MAB21L3: variants seen among roughly 807,000 people sequenced by gnomAD.
MAB21L3 encodes mab-21 like 3.
A neutral mutation model predicts 37.7 loss-of-function variants in MAB21L3; 36 were observed. The observed-to-expected ratio is 0.96, with a 90% CI of 0.73 to 1.26. MAB21L3 has a LOEUF of 1.26. MAB21L3 is among the 50% of genes most tolerant of loss of function. The pLI, the probability that MAB21L3 is intolerant of heterozygous loss-of-function variation, is 0.00. For synonymous variants in MAB21L3, 186 were observed against 176.8 expected (o/e 1.05, Z -0.41); for missense variants, 430 against 447.3 (o/e 0.96, Z 0.35).
rs1286908482 is a variant in MAB21L3 at position 116,136,257 on chromosome 1, G to A, written c.*2892G>A. ...TTGTCTCAGCCCAAAATCTCCTTAAGCTGATAAGCAACTTCAGCAAAGTCT... is the reference window on the plus strand; with the variant it reads ...TTGTCTCAGCCCAAAATCTCCTTAAACTGATAAGCAACTTCAGCAAAGTCT... On this transcript the variant is annotated 3_prime_UTR_variant, in exon 8 of 8. Coordinates refer to ENST00000369500, the MANE Select transcript of MAB21L3 (RefSeq NM_152367.3). Among the ~76,000 whole-genome samples, 2 of 152,074 alleles carry A rather than the reference G, an allele frequency of 1.3e-5. No individual in the cohort carries two copies. Among genetic ancestry groups the A allele is most frequent in the African/African-American group, 4.8e-5 (2 of 41,456 alleles).
rs1272803955 is a variant in MAB21L3, at chr1:116,136,302, A to G, written c.*2937A>G. Among the ~76,000 whole-genome samples the G allele has an allele frequency of 1.3e-5, 2 of 152,140 alleles. No individual in the cohort carries two copies. The highest frequency in any genetic ancestry group is 2.4e-5 in the African/African-American group (1 of 41,412). ...AAGTCTCAGGATACAAAATCAAAGTACAAAAATCACAAGCATTCTTATACA... is the reference window on the plus strand; with the variant it reads ...AAGTCTCAGGATACAAAATCAAAGTGCAAAAATCACAAGCATTCTTATACA... On this transcript the variant is annotated 3_prime_UTR_variant, in exon 8 of 8. Coordinates refer to ENST00000369500, the MANE Select transcript of MAB21L3 (RefSeq NM_152367.3).
chr1:116,119,193 T>A (rs1659672642), intron 3 of MAB21L3, among the ~76,000 whole-genome samples: 1 of 152,232 alleles, frequency 6.6e-6, no homozygotes, highest in Admixed American at 6.5e-5. Flanking sequence ...CTTACATTTG[T>A]CTTCCTCACT....
At position 116,114,226 on chromosome 1, in the gene MAB21L3, A is replaced by G. The variant is rs114243683; in HGVS notation, c.48+1563A>G. Among the ~76,000 whole-genome samples the G allele has an allele frequency of 7.2e-3, 1,102 of 152,284 alleles. 11 individuals carry two copies. The highest frequency in any genetic ancestry group is 0.025 in the African/African-American group (1,035 of 41,552). On this transcript the variant is annotated intron_variant, in intron 3 of 7. Coordinates refer to ENST00000369500, the MANE Select transcript of MAB21L3 (RefSeq NM_152367.3). ...ATGTCATATCATTTCATTCTTTATA[A>G]GTTTCTGGAGGGAAGAACAGTGTCT...
At chr1:116,132,119 A>G (rs6664057) in intron 7 of MAB21L3, among the ~76,000 whole-genome samples, 59,210 of 151,986 alleles carry the variant, frequency 0.39, 16,308 homozygotes, top group African/African-American at 0.79. Context: ...GAGATACACG[A>G]TAAGCAGGTC....
intron 3 of MAB21L3, among the ~76,000 whole-genome samples, chr1:116,114,753 CA>C (rs1557926971): frequency 3.3e-5 from 5 of 152,266 alleles, no homozygotes; most frequent in South Asian, 2.1e-4. Context: ...TGCAGTCAGG[CA>C]AGTGCTTAAT....
intron 5 of MAB21L3, among the ~76,000 whole-genome samples, chr1:116,126,803 A>G (rs7519708): frequency 0.016 from 2,436 of 152,308 alleles, 81 homozygotes; most frequent in African/African-American, 0.054. Context: ...ATGGCTCAAC[A>G]TATGATTTTT....
At chr1:116,115,954 C>T (rs1023874657) in intron 3 of MAB21L3, among the ~76,000 whole-genome samples, 3 of 152,116 alleles carry the variant, frequency 2.0e-5, no homozygotes, top group African/African-American at 7.2e-5. Context: ...GACAAGGTTG[C>T]CTCAAGGCTG....
rs758769083 is a variant in MAB21L3 at position 116,133,423 on chromosome 1, T to C, written c.*58T>C. Reference sequence around the variant, plus strand: ...TTTATTCTGGCTTAACATTGTTCTTTGGATGGTTCCTCAGTCAGGTGCCAG... The same window carrying C: ...TTTATTCTGGCTTAACATTGTTCTTCGGATGGTTCCTCAGTCAGGTGCCAG... On this transcript the variant is annotated 3_prime_UTR_variant, in exon 8 of 8. Transcript: ENST00000369500. 2.3e-4 allele frequency: 346 copies of C among 1,494,662 alleles called. No homozygotes were observed. Among genetic ancestry groups the C allele is most frequent in the Non-Finnish European group, 2.9e-4 (316 of 1,077,382 alleles). The allele number at this position is 1,494,662 out of a possible 1,614,324, so 92.6% of individuals were successfully genotyped here.
At chr1:116,113,497 G>A (rs970508042) in intron 3 of MAB21L3, among the ~76,000 whole-genome samples, 2 of 151,988 alleles carry the variant, frequency 1.3e-5, no homozygotes, top group Non-Finnish European at 2.9e-5. Flanking sequence ...TTTTTTTCGT[G>A]GGTCCTGTAT....
rs1235489870 is a variant in MAB21L3, at chr1:116,134,964, T to C, written c.*1599T>C. Reference sequence around the variant, plus strand: ...TAAAGCATGAACTACTGATTTTGTTTTCATGAAAATTCACATTTGAAAATG... The same window carrying C: ...TAAAGCATGAACTACTGATTTTGTTCTCATGAAAATTCACATTTGAAAATG... On this transcript the variant is annotated 3_prime_UTR_variant, in exon 8 of 8. Coordinates refer to ENST00000369500, the MANE Select transcript of MAB21L3 (RefSeq NM_152367.3). The C allele has an allele frequency of 6.6e-6, 1 of 152,182 alleles. No individual in the cohort carries two copies. Among genetic ancestry groups the C allele is most frequent in the Non-Finnish European group, 1.5e-5 (1 of 68,038 alleles). The allele number at this position is 152,182 out of a possible 1,614,324, so 9.4% of individuals were successfully genotyped here.
chr1:116,130,211 C>G (rs1157536184), intron 7 of MAB21L3, among the ~76,000 whole-genome samples: 3 of 152,188 alleles, frequency 2.0e-5, no homozygotes, highest in Non-Finnish European at 2.9e-5. Context: ...CATGGATCTC[C>G]CAGCCATGGC....
At chr1:116,126,701 C>G (rs1243030163) in intron 5 of MAB21L3, among the ~76,000 whole-genome samples, 1 of 152,162 alleles carries the variant, frequency 6.6e-6, no homozygotes, top group Non-Finnish European at 1.5e-5. Flanking sequence ...TGAAAACCAA[C>G]ATTTAGATAT....
chr1:116,121,054 G>A lies in MAB21L3; in HGVS notation c.171G>A (p.Thr57=), dbSNP rs574964970. 1.7e-5 allele frequency: 27 copies of A among 1,613,602 alleles called. No homozygotes were observed. The highest frequency in any genetic ancestry group is 1.6e-4 in the East Asian group (7 of 44,810). ...IRFQAVPYSD[T]YNENIKVLAP... ...TTCAAGCTGTGCCTTACTCTGACAC[G>A]TACAATGAAAATATTAAGGTAAGCA... The change falls in exon 4 of 8, where the codon ACG becomes ACA. Residue 57 remains threonine, a synonymous_variant. Transcript: ENST00000369500.
chr1:116,115,354 G>A (rs2101607901), intron 3 of MAB21L3, among the ~76,000 whole-genome samples: 1 of 152,336 alleles, frequency 6.6e-6, no homozygotes, highest in Non-Finnish European at 1.5e-5. Flanking sequence ...ATGGTGGAAA[G>A]CCTATGGTCT....
intron 3 of MAB21L3, among the ~76,000 whole-genome samples, chr1:116,113,071 G>T (rs574547674): frequency 1.3e-5 from 2 of 152,310 alleles, no homozygotes; most frequent in East Asian, 3.8e-4. Context: ...TTTAAAGACT[G>T]TGAAAGTACT....
intron 7 of MAB21L3, 47 bp from the exon 8 acceptor site, chr1:116,133,085 C>T: frequency 6.0e-6 from 9 of 1,488,894 alleles, no homozygotes; most frequent in South Asian, 1.2e-5. Flanking sequence ...AAGCTATCCT[C>T]CTCAATTGCC....
intron 3 of MAB21L3, among the ~76,000 whole-genome samples, chr1:116,118,799 C>G (rs1659660459): frequency 6.6e-6 from 1 of 152,174 alleles, no homozygotes; most frequent in Non-Finnish European, 1.5e-5. Context: ...TTTTTCCTAG[C>G]TAACGCCTAG....
chr1:116,136,299 A>T lies in MAB21L3; in HGVS notation c.*2934A>T, dbSNP rs1660197893. ...GCAAAGTCTCAGGATACAAAATCAA[A>T]GTACAAAAATCACAAGCATTCTTAT... is the stretch of plus-strand genomic sequence containing the variant. On this transcript the variant is annotated 3_prime_UTR_variant, in exon 8 of 8. Coordinates refer to ENST00000369500, the MANE Select transcript of MAB21L3 (RefSeq NM_152367.3). Among the ~76,000 whole-genome samples, 2 of 151,418 alleles carry T rather than the reference A, an allele frequency of 1.3e-5. No homozygotes were observed. Among genetic ancestry groups the T allele is most frequent in the African/African-American group, 4.9e-5 (2 of 41,078 alleles).
chr1:116,120,850 C>T (rs1659727120), intron 3 of MAB21L3, 82 bp from the exon 4 acceptor site: 4 of 1,548,332 alleles, frequency 2.6e-6, no homozygotes, highest in East Asian at 4.6e-5. Context: ...CTTGCTGTAC[C>T]CTTGTCTCCT....
Sources: gnomAD v4.1 joint callset for allele counts (sites outside exome capture counted in the v4.1 genomes callset) on GRCh38, gnomAD v4.1.1 for gene constraint, MANE v1.5 for transcripts, NCBI Gene and HGNC (gene_info 2026-07-23, HGNC 2026-07-21) for gene names.